Variants in LPCAT2 observed in about 807,000 individuals in gnomAD.
LPCAT2 encodes 1-AGP acyltransferase 11.
A neutral mutation model predicts 64.7 loss-of-function variants in LPCAT2; 58 were observed. The observed-to-expected ratio is 0.90, with a 90% CI of 0.73 to 1.12. The LOEUF (loss-of-function observed/expected upper bound fraction) is 1.12, where lower values mean the gene tolerates loss of function less well. Ranked by LOEUF, LPCAT2 falls within the 50% of genes most tolerant of loss-of-function variation. LPCAT2 has a pLI of 0.00. For synonymous variants in LPCAT2, 252 were observed against 245.3 expected, an observed-to-expected ratio of 1.03 and a Z score of -0.26; for missense variants, 579 against 669.8, an observed-to-expected ratio of 0.86 and a Z score of 1.50.
intron 7 of LPCAT2, among the ~76,000 whole-genome samples, chr16:55,537,168 C>T (rs923711752): frequency 3.3e-5 from 5 of 152,098 alleles, no homozygotes; most frequent in African/African-American, 1.2e-4. Context: ...TGAGCTGAGG[C>T]TCTGACTGAA....
intron 11 of LPCAT2, 96 bp downstream of exon 11, chr16:55,551,198 G>T: frequency 8.8e-7 from 1 of 1,134,612 alleles, no homozygotes; most frequent in South Asian, 2.0e-5. Context: ...ATAGGTCAGT[G>T]TTAGAAGAAT....
chr16:55,533,050 G>T (rs776303165), intron 6 of LPCAT2, among the ~76,000 whole-genome samples, 168 bp downstream of exon 6: 3 of 152,036 alleles, frequency 2.0e-5, no homozygotes, highest in Non-Finnish European at 4.4e-5. Flanking sequence ...TGCAAGATAG[G>T]CACATATCCA....
chr16:55,571,110 A>G (rs183661699), intron 11 of LPCAT2, among the ~76,000 whole-genome samples: 14 of 152,340 alleles, frequency 9.2e-5, no homozygotes, highest in East Asian at 3.9e-4. Flanking sequence ...AATGTATTCA[A>G]AACCATATCC....
chr16:55,526,789 C>T (rs931792788), intron 2 of LPCAT2, among the ~76,000 whole-genome samples: 5 of 152,060 alleles, frequency 3.3e-5, no homozygotes, highest in Admixed American at 6.6e-5. Context: ...CTAAATAATC[C>T]AGACAATAGA....
Position 55,579,127 on chromosome 16 carries a change from G to A in LPCAT2, c.1333G>A (p.Asp445Asn). Residue 445 changes from aspartate (D) to asparagine (N), a missense_variant, in exon 13 of 14, where the codon GAT becomes AAT. Asp to Asn is a conservative substitution (Grantham distance 23). Coordinates refer to ENST00000262134, the MANE Select transcript of LPCAT2 (RefSeq NM_017839.5). ...VAFKLFDVDE[D>N]GYITEEEFST... ...TCTTCAGCTGTTTGACGTTGATGAG[G>A]ATGGCTACATAACGGAGGAAGAGTT... 6.2e-7 allele frequency: 1 copy of A among 1,613,162 alleles called. No individual in the cohort carries two copies. Among genetic ancestry groups the A allele is most frequent in the Non-Finnish European group, 8.5e-7 (1 of 1,179,458 alleles).
At position 55,527,480 on chromosome 16, in the gene LPCAT2, A is replaced by C. The variant is rs1465205344; in HGVS notation, c.312-897A>C. Reference sequence around the variant, plus strand: ...GGGCACCAGAGCAAAACTCCATCTCAAAAAAAAAAAAAAAAAAGCTCTCAT... The same window carrying C: ...GGGCACCAGAGCAAAACTCCATCTCCAAAAAAAAAAAAAAAAAGCTCTCAT... On this transcript the variant is annotated intron_variant, in intron 2 of 13. Coordinates refer to ENST00000262134, the MANE Select transcript of LPCAT2 (RefSeq NM_017839.5). Among the ~76,000 whole-genome samples the C allele has an allele frequency of 3.5e-5, 4 of 115,798 alleles. No individual in the cohort carries two copies. The East Asian group carries it at 8.8e-4, about 25-fold the overall frequency. 76.0% of individuals were successfully genotyped at this position (115,798 alleles called of 152,430 possible).
At chr16:55,509,440 G>A (rs1225733033) in intron 1 of LPCAT2, 88 bp downstream of exon 1, 4 of 1,258,864 alleles carry the variant, frequency 3.2e-6, no homozygotes, top group Non-Finnish European at 4.1e-6. Flanking sequence ...GTCTGAGAGA[G>A]GAGGGCGGCC....
At chr16:55,578,891 T>A (rs1963858356) in intron 12 of LPCAT2, 2 of 483,718 alleles carry the variant, frequency 4.1e-6, no homozygotes. Flanking sequence ...TGTCCCTTTG[T>A]ACTATGGACC....
At position 55,534,491 on chromosome 16, in the gene LPCAT2, G is replaced by A; in HGVS notation, c.797+14G>A. On this transcript the variant is annotated intron_variant, in intron 7 of 13. Transcript: ENST00000262134. ...AGGATATACATTGTAAGTCACTTAT[G>A]TCTATTATTAGTTTATATAAATTTT... 1 of 1,330,310 alleles carries A rather than the reference G, an allele frequency of 7.5e-7. No individual in the cohort carries two copies. Among genetic ancestry groups the A allele is most frequent in the Non-Finnish European group, 1.0e-6 (1 of 961,352 alleles). The allele number at this position is 1,330,310 out of a possible 1,614,324, so 82.4% of individuals were successfully genotyped here.
chr16:55,509,447 G>T lies in LPCAT2; in HGVS notation c.171+95G>T, dbSNP rs538461855. The T allele has an allele frequency of 3.6e-4, 433 of 1,191,604 alleles. 5 individuals are homozygous for T. Among genetic ancestry groups the T allele is most frequent in the Non-Finnish European group, 4.4e-4 (411 of 928,390 alleles). 73.8% of individuals were successfully genotyped at this position (1,191,604 alleles called of 1,614,324 possible). A position where few individuals can be genotyped will look rare whatever the true frequency, so the allele number is the denominator to read the frequency against. The stretch of plus-strand genomic sequence containing the variant: ...GGGTGTGGGTCTGAGAGAGGAGGGC[G>T]GCCGAGGGGGGCGTGGGTCTGAGGG... On this transcript the variant is annotated intron_variant, in intron 1 of 13. Coordinates refer to ENST00000262134, the MANE Select transcript of LPCAT2 (RefSeq NM_017839.5).
intron 11 of LPCAT2, among the ~76,000 whole-genome samples, chr16:55,570,557 C>G (rs1452178665): frequency 6.6e-6 from 1 of 151,984 alleles, no homozygotes; most frequent in Non-Finnish European, 1.5e-5. Flanking sequence ...TCGCTTGAGC[C>G]CGGGGGGTCC....
chr16:55,517,900 A>G (rs1481377296), intron 1 of LPCAT2, among the ~76,000 whole-genome samples: 1 of 152,208 alleles, frequency 6.6e-6, no homozygotes, highest in Non-Finnish European at 1.5e-5. Flanking sequence ...AAGGAATAAG[A>G]CAAAGATATC....
At chr16:55,528,892 G>A (rs1963213042) in intron 3 of LPCAT2, among the ~76,000 whole-genome samples, 1 of 152,112 alleles carries the variant, frequency 6.6e-6, no homozygotes, top group Non-Finnish European at 1.5e-5. Context: ...CCTGATTTGA[G>A]AGAATTTAAT....
intron 1 of LPCAT2, among the ~76,000 whole-genome samples, chr16:55,515,780 C>T (rs1037700402): frequency 6.6e-6 from 1 of 151,848 alleles, no homozygotes; most frequent in Non-Finnish European, 1.5e-5. Context: ...TTGGTTGATC[C>T]GAACCAGAAA....
chr16:55,529,089 G>T (rs1424475981), intron 3 of LPCAT2, among the ~76,000 whole-genome samples: 1 of 152,172 alleles, frequency 6.6e-6, no homozygotes, highest in Admixed American at 6.5e-5. Flanking sequence ...TGGGACAATA[G>T]GTACTTCCTG....
chr16:55,570,035 A>T (rs1331288729), intron 11 of LPCAT2, among the ~76,000 whole-genome samples: 1 of 152,210 alleles, frequency 6.6e-6, no homozygotes, highest in Non-Finnish European at 1.5e-5. Context: ...AATTTAATCA[A>T]TGTAAATTGA....
chr16:55,533,147 T>C (rs887936236), intron 6 of LPCAT2, among the ~76,000 whole-genome samples: 1 of 152,182 alleles, frequency 6.6e-6, no homozygotes, highest in Non-Finnish European at 1.5e-5. Context: ...ACCATGTTGG[T>C]GTGATTAATT....
At chr16:55,560,479 G>A (rs1220662841) in intron 11 of LPCAT2, among the ~76,000 whole-genome samples, 1 of 152,066 alleles carries the variant, frequency 6.6e-6, no homozygotes, top group African/African-American at 2.4e-5. Flanking sequence ...GGGAATAAGG[G>A]TAAGTGAGCA....
intron 11 of LPCAT2, among the ~76,000 whole-genome samples, chr16:55,571,697 T>C (rs1385092011): frequency 6.6e-6 from 1 of 152,176 alleles, no homozygotes; most frequent in Non-Finnish European, 1.5e-5. Flanking sequence ...CCAAAGATTG[T>C]GCAATAATTC....
Sources: allele counts gnomAD v4.1 joint callset (sites outside exome capture counted in the v4.1 genomes callset), GRCh38; gene constraint gnomAD v4.1.1; transcripts MANE v1.5; gene names NCBI Gene and HGNC (gene_info 2026-07-23, HGNC 2026-07-21).